The following GPC3 variants were observed in gnomAD, a reference collection of about 807,000 sequenced individuals.
GPC3 encodes the protein glypican 3.
GPC3 carries 3 observed loss-of-function variants against 34.4 expected under a neutral mutation model. The ratio of observed to expected loss-of-function variants is 0.09; its 90% CI spans 0.04 to 0.23. The LOEUF is 0.23. Ranked by LOEUF, GPC3 falls within the 10% of genes least tolerant of loss-of-function variation. The pLI, the probability that GPC3 is intolerant of heterozygous loss-of-function variation, is 1.00. For synonymous variants in GPC3, 177 were observed against 174.0 expected (o/e 1.02, Z -0.13); for missense variants, 351 against 445.6 (o/e 0.79, Z 1.91).
At chrX:133,708,752 C>A (rs1360338447) in intron 3 of GPC3, among the ~76,000 whole-genome samples, 1 of 112,370 alleles carries the variant, frequency 8.9e-6, no homozygotes, top group Non-Finnish European at 1.9e-5. Context: ...GTGCTTAAAT[C>A]ATATGACCTG....
chrX:133,549,643 T>C (rs1280774682), intron 7 of GPC3, among the ~76,000 whole-genome samples: 2 of 69,773 alleles, frequency 2.9e-5, no homozygotes, highest in Non-Finnish European at 5.0e-5. Context: ...CCCCCCTCTT[T>C]ATCTCTCTCT....
chrX:133,815,197 C>A (rs1462285826), intron 2 of GPC3, among the ~76,000 whole-genome samples: 2 of 105,970 alleles, frequency 1.9e-5, no homozygotes, highest in Non-Finnish European at 3.9e-5. Flanking sequence ...TGCAAATTTG[C>A]AGATGCAAAT....
intron 2 of GPC3, among the ~76,000 whole-genome samples, chrX:133,783,879 T>C (rs2072075539): frequency 8.9e-6 from 1 of 112,015 alleles, no homozygotes; most frequent in African/African-American, 3.3e-5. Context: ...CTGATGTTGA[T>C]TTGTATGACA....
At chrX:133,581,865 G>A (rs1034179187) in intron 7 of GPC3, among the ~76,000 whole-genome samples, 2 of 112,506 alleles carry the variant, frequency 1.8e-5, no homozygotes, top group African/African-American at 6.4e-5. Context: ...AATACTGGAA[G>A]AATATTTCTT....
At chrX:133,918,731 T>C (rs930183964) in intron 2 of GPC3, among the ~76,000 whole-genome samples, 5 of 111,909 alleles carry the variant, frequency 4.5e-5, no homozygotes, top group African/African-American at 1.6e-4. Flanking sequence ...GGATGGCACC[T>C]TGACATTTAT....
intron 7 of GPC3, among the ~76,000 whole-genome samples, chrX:133,556,197 T>C (rs749188818): frequency 8.9e-6 from 1 of 111,979 alleles, no homozygotes; most frequent in East Asian, 2.8e-4. Flanking sequence ...AGTTCTTTTA[T>C]TTTGTTAATT....
chrX:133,815,322 G>A (rs982358002), intron 2 of GPC3, among the ~76,000 whole-genome samples: 10 of 109,268 alleles, frequency 9.2e-5, no homozygotes, highest in African/African-American at 3.3e-4. Flanking sequence ...CCCAGTTGCT[G>A]GGGAGAAATA....
chrX:133,643,712 C>A (rs753794342), intron 6 of GPC3, among the ~76,000 whole-genome samples: 1 of 111,232 alleles, frequency 9.0e-6, no homozygotes, highest in African/African-American at 3.3e-5. Context: ...TCTTTCTATG[C>A]ACAACTGTGT....
intron 4 of GPC3, among the ~76,000 whole-genome samples, chrX:133,697,145 A>G (rs2071125849): frequency 8.9e-6 from 1 of 112,813 alleles, no homozygotes; most frequent in African/African-American, 3.2e-5. Context: ...ACTGCAAGTA[A>G]AAACAGCCTT....
In GPC3 at chrX:133,695,961, T is replaced by C. The variant is rs186380093; in HGVS notation, c.1167-3467A>G. Among the ~76,000 whole-genome samples the C allele has an allele frequency of 3.6e-3, 401 of 111,789 alleles. 1 individual carries two copies. Among genetic ancestry groups the C allele is most frequent in the Admixed American group, 6.7e-3 (70 of 10,525 alleles). ...TTAGTGTGTATTATCTCCATTAGAATCCACTTAGAATCCAAGGTAGATTTG... is the reference window on the plus strand; with the variant it reads ...TTAGTGTGTATTATCTCCATTAGAACCCACTTAGAATCCAAGGTAGATTTG... On this transcript the variant is annotated intron_variant, in intron 4 of 7. Coordinates refer to ENST00000370818, the MANE Select transcript of GPC3 (RefSeq NM_004484.4).
intron 5 of GPC3, among the ~76,000 whole-genome samples, chrX:133,668,438 C>T (rs975175575): frequency 9.0e-6 from 1 of 111,480 alleles, no homozygotes; most frequent in Non-Finnish European, 1.9e-5. Context: ...TCACTGCTCT[C>T]GCATTGAAAT....
intron 5 of GPC3, among the ~76,000 whole-genome samples, chrX:133,663,912 A>T (rs2070747935): frequency 8.9e-6 from 1 of 112,369 alleles, no homozygotes; most frequent in Admixed American, 9.4e-5. Context: ...TATGCAATGT[A>T]GGTATTTCAA....
chrX:133,922,879 T>C (rs2076256367), intron 2 of GPC3, among the ~76,000 whole-genome samples: 1 of 111,337 alleles, frequency 9.0e-6, no homozygotes, highest in African/African-American at 3.3e-5. Flanking sequence ...CCATCCCACC[T>C]TTTCCCAGCT....
chrX:133,670,075 G>A (rs752521462), intron 5 of GPC3, among the ~76,000 whole-genome samples: 4 of 112,015 alleles, frequency 3.6e-5, no homozygotes, highest in Non-Finnish European at 7.5e-5. Context: ...GACAGTTGAA[G>A]CAAAGAGAGC....
intron 2 of GPC3, among the ~76,000 whole-genome samples, chrX:133,933,936 C>A (rs2076310565): frequency 9.6e-6 from 1 of 104,223 alleles, no homozygotes; most frequent in African/African-American, 3.5e-5. Context: ...ACGATCTCAG[C>A]TCACTGCAAC....
At chrX:133,537,139 G>A (rs753913387) in intron 7 of GPC3, among the ~76,000 whole-genome samples, 1 of 112,064 alleles carries the variant, frequency 8.9e-6, no homozygotes, top group South Asian at 3.7e-4. Context: ...GAAGACAGTG[G>A]TTTATCAGGA....
chrX:133,795,300 G>A (rs2075572672), intron 2 of GPC3, among the ~76,000 whole-genome samples: 1 of 112,252 alleles, frequency 8.9e-6, no homozygotes, highest in South Asian at 3.7e-4. Context: ...TGCCTGTCAG[G>A]GACCATGTCT....
chrX:133,849,720 C>T (rs1427241352), intron 2 of GPC3, among the ~76,000 whole-genome samples: 3 of 111,373 alleles, frequency 2.7e-5, no homozygotes, highest in Non-Finnish European at 5.6e-5. Flanking sequence ...GATCTCCCTG[C>T]CCCAACTCAA....
chrX:133,842,088 G>C (rs1435181216), intron 2 of GPC3, among the ~76,000 whole-genome samples: 3 of 111,716 alleles, frequency 2.7e-5, no homozygotes, highest in Non-Finnish European at 5.6e-5. Context: ...AGACAGAGGC[G>C]GGCAGATCAC....
Sources: gnomAD v4.1 joint callset for allele counts (sites outside exome capture counted in the v4.1 genomes callset) on GRCh38, gnomAD v4.1.1 for gene constraint, MANE v1.5 for transcripts, NCBI Gene and HGNC (gene_info 2026-07-23, HGNC 2026-07-21) for gene names.